Variants in LYSMD2 observed in about 807,000 individuals in gnomAD.
The protein encoded by LYSMD2 is lysM and putative peptidoglycan-binding domain-containing protein 2.
Under a neutral mutation model 17.7 loss-of-function variants are expected in LYSMD2, and 6 were observed. The ratio of observed to expected loss-of-function variants is 0.34; its 90% CI spans 0.19 to 0.67. The LOEUF is 0.67. Among genes scored for constraint, LYSMD2 ranks in the 30% least tolerant of loss-of-function variants. The pLI, the probability that LYSMD2 is intolerant of heterozygous loss-of-function variation, is 0.69. For missense variants in LYSMD2, 237 were observed against 286.7 expected, an observed-to-expected ratio of 0.83 and a Z score of 1.25; for synonymous variants, 102 against 129.8, an observed-to-expected ratio of 0.79 and a Z score of 1.45.
chr15:51,749,360 C>T (rs1475921193), intron 1 of LYSMD2, among the ~76,000 whole-genome samples: 1 of 152,216 alleles, frequency 6.6e-6, no homozygotes, highest in African/African-American at 2.4e-5. Flanking sequence ...CAGACAGAGA[C>T]TGATCAGAAG....
chr15:51,737,812 C>T, upstream of LYSMD2: 1 of 356,844 alleles, frequency 2.8e-6, no homozygotes, highest in Non-Finnish European at 4.8e-6. The surrounding 1 kb of genome is among the most constrained non-coding windows in gnomAD (Gnocchi z 4.2). Flanking sequence ...TGCGTCCTGC[C>T]TGCCCCGGGC....
At chr15:51,724,034 A>T (rs1316831488) in intron 2 of LYSMD2, among the ~76,000 whole-genome samples, 1 of 152,012 alleles carries the variant, frequency 6.6e-6, no homozygotes, top group Non-Finnish European at 1.5e-5. Flanking sequence ...AAATAGAAAT[A>T]AAAAAATCAG....
chr15:51,747,545 T>C (rs2141604550), intron 1 of LYSMD2, among the ~76,000 whole-genome samples: 1 of 152,362 alleles, frequency 6.6e-6, no homozygotes, highest in East Asian at 1.9e-4. Flanking sequence ...AAATATTCTG[T>C]GTTCACATTT....
At chr15:51,739,405 CTAATT>C (rs907354495), upstream of LYSMD2, among the ~76,000 whole-genome samples, 1 of 152,076 alleles carries the variant, frequency 6.6e-6, no homozygotes, top group African/African-American at 2.4e-5. Context: ...ATCCTGAATG[CTAATT>C]TAGATTGTTT....
exon 1 of LYSMD2, chr15:51,751,425 C>T (rs2055700900): frequency 1.4e-6 from 1 of 692,294 alleles, no homozygotes; most frequent in South Asian, 1.5e-5. Context: ...TGCTTCCTCC[C>T]CTGCAGAGCT....
chr15:51,742,764 C>A (rs974448007), intron 1 of LYSMD2, among the ~76,000 whole-genome samples: 4 of 151,974 alleles, frequency 2.6e-5, no homozygotes, highest in East Asian at 3.9e-4. Context: ...TTGAGACCAG[C>A]CTGGCCAAAA....
chr15:51,724,662 GA>G (rs915995903), intron 2 of LYSMD2, 127 bp downstream of exon 2: 116 of 561,368 alleles, frequency 2.1e-4, no homozygotes, highest in East Asian at 8.8e-4. Flanking sequence ...AAGAAAAAAA[GA>G]AAAAAAATCA....
At chr15:51,731,038 T>C (rs565899363) in intron 1 of LYSMD2, among the ~76,000 whole-genome samples, 18 of 152,200 alleles carry the variant, frequency 1.2e-4, no homozygotes, top group Non-Finnish European at 2.1e-4. Flanking sequence ...GGCAAATCTA[T>C]AGATTAGAAA....
At chr15:51,739,320 A>C (rs2055631916), upstream of LYSMD2, among the ~76,000 whole-genome samples, 1 of 152,200 alleles carries the variant, frequency 6.6e-6, no homozygotes, top group Non-Finnish European at 1.5e-5. Flanking sequence ...TAGCTCCAGC[A>C]GTGCCTAGCT....
At chr15:51,738,488 C>T (rs1409668175), upstream of LYSMD2, among the ~76,000 whole-genome samples, 1 of 152,232 alleles carries the variant, frequency 6.6e-6, no homozygotes, top group Non-Finnish European at 1.5e-5. Flanking sequence ...CTCCCTGCCC[C>T]GTATTGCTAT....
intron 1 of LYSMD2, among the ~76,000 whole-genome samples, chr15:51,746,427 T>G (rs566600639): frequency 4.6e-5 from 7 of 152,120 alleles, no homozygotes; most frequent in Non-Finnish European, 1.5e-5. Flanking sequence ...AAAAATAAAT[T>G]TGTGATTGCC....
chr15:51,745,393 T>C (rs756677837), intron 1 of LYSMD2, among the ~76,000 whole-genome samples: 3 of 152,174 alleles, frequency 2.0e-5, no homozygotes, highest in Non-Finnish European at 4.4e-5. Context: ...GTAGAAAGAT[T>C]ATATACCATG....
upstream of LYSMD2, among the ~76,000 whole-genome samples, chr15:51,742,263 C>T (rs2055646681): frequency 6.6e-6 from 1 of 152,172 alleles, no homozygotes. Context: ...TGGTCTTGAA[C>T]TCCTGACGTC....
chr15:51,737,729 C>A (rs1043756050), upstream of LYSMD2: 2 of 873,440 alleles, frequency 2.3e-6, no homozygotes, highest in Non-Finnish European at 3.0e-6. This position sits in a 1 kb window ranked among gnomAD's most constrained non-coding sequence, Gnocchi z 4.2. Flanking sequence ...TGCAGCAGGC[C>A]GTTCCGCGGG....
In LYSMD2 at chr15:51,724,804, T is replaced by G; in HGVS notation, c.591A>C (p.Leu197=). The change falls in exon 2 of 3, where the codon CTA becomes CTC. Residue 197 remains leucine, a synonymous_variant. Coordinates refer to ENST00000267838, the MANE Select transcript of LYSMD2 (RefSeq NM_153374.3). ...GGTATTCTTACCTGCTCTCTTCTTT[T>G]AGCTTCTTGGCTGCCTGTGTTGATA... is the stretch of plus-strand genomic sequence containing the variant. ...IKLSTQAAKK[L]KEESRDEESP... 1 of 1,612,998 alleles carries G rather than the reference T, an allele frequency of 6.2e-7. No homozygotes were observed. The highest frequency in any genetic ancestry group is 1.1e-5 in the South Asian group (1 of 90,956).
At chr15:51,739,716 C>T (rs1388648891), upstream of LYSMD2, among the ~76,000 whole-genome samples, 1 of 152,106 alleles carries the variant, frequency 6.6e-6, no homozygotes, top group African/African-American at 2.4e-5. Flanking sequence ...ATAGCTTGAG[C>T]CCAGGAGTTC....
chr15:51,744,737 A>G (rs2055658873), intron 1 of LYSMD2, among the ~76,000 whole-genome samples: 1 of 152,094 alleles, frequency 6.6e-6, no homozygotes, highest in African/African-American at 2.4e-5. Context: ...TCTTCCTTAA[A>G]TGTTTGGTAG....
At chr15:51,735,723 A>T (rs2055604848) in intron 1 of LYSMD2, among the ~76,000 whole-genome samples, 1 of 152,262 alleles carries the variant, frequency 6.6e-6, no homozygotes, top group Admixed American at 6.5e-5. Flanking sequence ...GCATTTGATC[A>T]AAGGTGGAAA....
chr15:51,725,879 T>C (rs2055536787), intron 1 of LYSMD2, among the ~76,000 whole-genome samples: 1 of 152,178 alleles, frequency 6.6e-6, no homozygotes. Context: ...CAAGTACATA[T>C]GGCTCTTTAA....
Sources: gnomAD v4.1 joint callset for allele counts (sites outside exome capture counted in the v4.1 genomes callset) on GRCh38, gnomAD v4.1.1 for gene constraint, Gnocchi (gnomAD v3.1) non-coding constraint, MANE v1.5 for transcripts, NCBI Gene and HGNC (gene_info 2026-07-23, HGNC 2026-07-21) for gene names.